The following ULK4 variants were observed in gnomAD, a reference collection of about 807,000 sequenced individuals.
The protein encoded by ULK4 is unc-51 like kinase 4.
Under a neutral mutation model 160.6 loss-of-function variants are expected in ULK4, and 133 were observed. The ratio of observed to expected loss-of-function variants is 0.83; its 90% CI spans 0.72 to 0.96. The LOEUF (loss-of-function observed/expected upper bound fraction) is 0.96, where lower values mean the gene tolerates loss of function less well. Among genes scored for constraint, ULK4 ranks in the 40% least tolerant of loss-of-function variants. The pLI is 0.00. For synonymous variants in ULK4, 534 were observed against 539.8 expected (o/e 0.99, Z 0.15); for missense variants, 1,580 against 1,499.5 (o/e 1.05, Z -0.89).
At chr3:41,583,959 T>TA (rs769364895) in intron 31 of ULK4, among the ~76,000 whole-genome samples, 28 of 152,344 alleles carry the variant, frequency 1.8e-4, no homozygotes, top group Non-Finnish European at 3.5e-4. Context: ...GACAGTGTTT[T>TA]AAAGATTCTT....
At chr3:41,677,847 G>A (rs1021160954) in intron 29 of ULK4, among the ~76,000 whole-genome samples, 1 of 152,106 alleles carries the variant, frequency 6.6e-6, no homozygotes. Context: ...GTTCCTGGAT[G>A]AGATTAACGT....
At chr3:41,881,301 A>C (rs866323058) in intron 17 of ULK4, among the ~76,000 whole-genome samples, 4 of 99,256 alleles carry the variant, frequency 4.0e-5, no homozygotes, top group Admixed American at 1.1e-4. Context: ...AAAAAAAAAA[A>C]AAAAAAAAAC....
At chr3:41,703,946 G>A (rs2036775026) in intron 27 of ULK4, among the ~76,000 whole-genome samples, 1 of 151,946 alleles carries the variant, frequency 6.6e-6, no homozygotes, top group Non-Finnish European at 1.5e-5. Context: ...GAAGAATTCA[G>A]TTCTACAATG....
chr3:41,262,176 G>A (rs772041585), intron 35 of ULK4, among the ~76,000 whole-genome samples: 58 of 152,226 alleles, frequency 3.8e-4, no homozygotes, highest in Admixed American at 5.2e-4. Flanking sequence ...AGCACCAGGC[G>A]AGAGACAGGG....
chr3:41,828,796 T>G (rs1241952722), intron 18 of ULK4, among the ~76,000 whole-genome samples: 3 of 152,154 alleles, frequency 2.0e-5, no homozygotes, highest in Admixed American at 6.6e-5. Flanking sequence ...AAAAAACTAC[T>G]TTAAATTTCA....
chr3:41,900,044 G>A (rs570782303), intron 13 of ULK4, among the ~76,000 whole-genome samples: 2 of 152,318 alleles, frequency 1.3e-5, no homozygotes, highest in South Asian at 4.2e-4. Context: ...TGGAATGTGA[G>A]TATGTTGGGG....
chr3:41,754,256 TAAAAAA>T, intron 22 of ULK4, 99 bp downstream of exon 22: 1 of 1,296,846 alleles, frequency 7.7e-7, no homozygotes, highest in South Asian at 1.7e-5. Flanking sequence ...GAAAAACTCT[TAAAAAA>T]AAATACCAGA....
intron 32 of ULK4, among the ~76,000 whole-genome samples, chr3:41,491,299 C>CA (rs764162178): frequency 6.9e-4 from 102 of 147,914 alleles, no homozygotes; most frequent in African/African-American, 2.5e-3. Context: ...AAAGCTATTA[C>CA]AAAGTTGTTT....
At chr3:41,831,531 A>ATATATTTTTTTTTTTTTTT in intron 18 of ULK4, among the ~76,000 whole-genome samples, 1 of 138,064 alleles carries the variant, frequency 7.2e-6, no homozygotes, top group African/African-American at 2.8e-5. Flanking sequence ...ATATATATAT[A>ATATATTTTTTTTTTTTTTT]TTTTTTTTTC....
At chr3:41,612,535 C>T (rs535143773) in intron 31 of ULK4, among the ~76,000 whole-genome samples, 1 of 152,336 alleles carries the variant, frequency 6.6e-6, no homozygotes, top group Admixed American at 6.5e-5. Context: ...TGTGCCTCCT[C>T]AGTAGGTAGT....
At chr3:41,368,081 T>C (rs1412236407) in intron 35 of ULK4, among the ~76,000 whole-genome samples, 2 of 151,854 alleles carry the variant, frequency 1.3e-5, no homozygotes, top group African/African-American at 4.8e-5. Context: ...GGAGTCTCAC[T>C]CTGTTGCCCA....
chr3:41,865,147 C>T (rs1285388873), intron 17 of ULK4, among the ~76,000 whole-genome samples: 1 of 151,872 alleles, frequency 6.6e-6, no homozygotes, highest in Admixed American at 6.6e-5. Flanking sequence ...TGGCACATTC[C>T]TGTAATCCCC....
intron 32 of ULK4, among the ~76,000 whole-genome samples, chr3:41,481,655 G>A (rs575654512): frequency 2.4e-4 from 36 of 151,190 alleles, no homozygotes; most frequent in African/African-American, 2.2e-4. Flanking sequence ...GTGAAACCCC[G>A]TCTCTACTAA....
intron 27 of ULK4, among the ~76,000 whole-genome samples, chr3:41,692,621 A>G (rs2036343611): frequency 6.6e-6 from 1 of 151,876 alleles, no homozygotes; most frequent in Non-Finnish European, 1.5e-5. Context: ...AGTGATCTCT[A>G]TTATAAAATT....
intron 30 of ULK4, among the ~76,000 whole-genome samples, chr3:41,628,066 CTG>C (rs2125699693): frequency 6.6e-6 from 1 of 152,316 alleles, no homozygotes; most frequent in Non-Finnish European, 1.5e-5. Context: ...GAAAGATTTG[CTG>C]TTCAAACTCC....
intron 35 of ULK4, among the ~76,000 whole-genome samples, chr3:41,359,760 T>C (rs1335575624): frequency 6.6e-6 from 1 of 152,096 alleles, no homozygotes; most frequent in Non-Finnish European, 1.5e-5. Flanking sequence ...GTGATATCCA[T>C]ATACAAAAAT....
rs1460434721 is a variant in ULK4, at chr3:41,801,863, A to G, written c.1849-1570T>C. Among the ~76,000 whole-genome samples, 6 of 152,174 alleles carry G rather than the reference A, an allele frequency of 3.9e-5. No individual in the cohort carries two copies. In the East Asian group the frequency reaches 9.6e-4, roughly 24 times the overall value. On this transcript the variant is annotated intron_variant, in intron 19 of 36. Coordinates refer to ENST00000301831, the MANE Select transcript of ULK4 (RefSeq NM_017886.4). ...AAGACCCTGTCTCAAAAATAAAAAT[A>G]AAATAAAATAAAAAGAAAAGAAAAC...
At chr3:41,406,163 T>A (rs1052279423) in intron 34 of ULK4, among the ~76,000 whole-genome samples, 3 of 152,208 alleles carry the variant, frequency 2.0e-5, no homozygotes, top group African/African-American at 7.2e-5. Flanking sequence ...AAGATAGTGG[T>A]CAAGTTTCAT....
At chr3:41,377,986 A>G (rs377197252) in intron 35 of ULK4, among the ~76,000 whole-genome samples, 5,813 of 151,106 alleles carry the variant, frequency 0.038, 264 homozygotes, top group East Asian at 0.18. Flanking sequence ...AATGTCCAAC[A>G]ATGATAGACT....
Sources: allele counts gnomAD v4.1 joint callset (sites outside exome capture counted in the v4.1 genomes callset), GRCh38; gene constraint gnomAD v4.1.1; transcripts MANE v1.5; gene names NCBI Gene and HGNC (gene_info 2026-07-23, HGNC 2026-07-21).